AGTPBP1: variants seen among roughly 807,000 people sequenced by gnomAD.
AGTPBP1 encodes the protein cytosolic carboxypeptidase 1.
A neutral mutation model predicts 143.9 loss-of-function variants in AGTPBP1; 70 were observed. That is an observed-to-expected ratio of 0.49 (90% CI 0.40 to 0.59). The LOEUF (loss-of-function observed/expected upper bound fraction) is 0.59. AGTPBP1 is among the 20% of genes least tolerant of loss of function. AGTPBP1 has a pLI of 0.00. For synonymous variants in AGTPBP1, 463 were observed against 500.2 expected, an observed-to-expected ratio of 0.93 and a Z score of 0.99; for missense variants, 1,229 against 1,464.5, an observed-to-expected ratio of 0.84 and a Z score of 2.62.
chr9:85,623,394 C>A (rs762493105), intron 14 of AGTPBP1, among the ~76,000 whole-genome samples: 5 of 152,018 alleles, frequency 3.3e-5, no homozygotes, highest in Non-Finnish European at 5.9e-5. Context: ...GACATAATTG[C>A]CCATTTATAT....
At chr9:85,591,426 A>C (rs1188587870) in intron 19 of AGTPBP1, among the ~76,000 whole-genome samples, 1 of 152,164 alleles carries the variant, frequency 6.6e-6, no homozygotes, top group Non-Finnish European at 1.5e-5. Context: ...GGTTGGCAGA[A>C]GCCCAGGTGA....
At chr9:85,657,333 C>T in intron 10 of AGTPBP1, 102 bp downstream of exon 10, 3 of 1,010,530 alleles carry the variant, frequency 3.0e-6, no homozygotes, top group Non-Finnish European at 4.2e-6. Flanking sequence ...TGCATTTATC[C>T]TGTGTATACG....
chr9:85,748,711 C>T, the AGTPBP1 span, among the ~76,000 whole-genome samples: 1 of 152,190 alleles, frequency 6.6e-6, no homozygotes. Context: ...CAGAGTATAT[C>T]TTTAAAACAC....
chr9:85,601,228 C>CA (rs1254031574), intron 17 of AGTPBP1, among the ~76,000 whole-genome samples: 3 of 152,216 alleles, frequency 2.0e-5, no homozygotes, highest in African/African-American at 7.2e-5. Flanking sequence ...GCCCTGGGGG[C>CA]AGGCAGACTT....
the AGTPBP1 span, among the ~76,000 whole-genome samples, chr9:85,778,705 G>A: frequency 6.6e-6 from 1 of 152,154 alleles, no homozygotes; most frequent in Non-Finnish European, 1.5e-5. Flanking sequence ...GCCGAATGCA[G>A]CAACTTATCC....
In AGTPBP1 at chr9:85,588,349, T is replaced by C. The variant is rs773600934; in HGVS notation, c.2852A>G (p.Tyr951Cys). 4.3e-6 allele frequency: 7 copies of C among 1,610,528 alleles called. No individual in the cohort carries two copies. The African/African-American group carries it at 5.4e-5, about 12-fold the overall frequency. The change falls in exon 21 of 26, where the codon TAT (tyrosine) becomes TGT (cysteine). Residue 951 changes from tyrosine to cysteine, a missense_variant. Around this residue, in one of 2 missense-constraint regions of AGTPBP1, gnomAD observed 486 missense variants for 652.3 expected, o/e 0.75. Coordinates refer to ENST00000357081, the MANE Select transcript of AGTPBP1 (RefSeq NM_001330701.2). ...NPTAQSLRES[Y>C]IFKIVPMLNP... Reference sequence around the variant, plus strand: ...TAACATAGGGACAATTTTAAAAATATAAGATTCTCGTAAGCTCTGAGCAGT... The same window carrying C: ...TAACATAGGGACAATTTTAAAAATACAAGATTCTCGTAAGCTCTGAGCAGT...
At chr9:85,580,759 A>G (rs1338735359) in intron 23 of AGTPBP1, among the ~76,000 whole-genome samples, 1 of 152,218 alleles carries the variant, frequency 6.6e-6, no homozygotes, top group East Asian at 1.9e-4. Flanking sequence ...GAGACTACTA[A>G]GTAAATAAAT....
intron 2 of AGTPBP1, among the ~76,000 whole-genome samples, chr9:85,700,456 T>A (rs1260095101): frequency 6.6e-6 from 1 of 152,198 alleles, no homozygotes; most frequent in Non-Finnish European, 1.5e-5. Context: ...TCACTTCAGC[T>A]CATTTCACCG....
At chr9:85,684,012 G>A (rs956868564) in intron 3 of AGTPBP1, among the ~76,000 whole-genome samples, 1 of 149,720 alleles carries the variant, frequency 6.7e-6, no homozygotes, top group Non-Finnish European at 1.5e-5. Context: ...TCCTACATCA[G>A]AGTAAAAATA....
At chr9:85,718,388 G>T (rs181788329) in intron 1 of AGTPBP1, among the ~76,000 whole-genome samples, 27 of 152,274 alleles carry the variant, frequency 1.8e-4, no homozygotes, top group Non-Finnish European at 2.9e-4. Flanking sequence ...GTATCTCATT[G>T]TGGTTTTGAT....
At position 85,698,679 on chromosome 9, in the gene AGTPBP1, C is replaced by CTTTTTTTT. The variant is rs34248388; in HGVS notation, c.33-5874_33-5867dup. ...GGAAATGTATCTTCCCCACCTAACC[C>CTTTTTTTT]TTTTTTTTTTTTTTTTTTTTTTTTT... On this transcript the variant is annotated intron_variant, in intron 2 of 25. Coordinates refer to ENST00000357081, the MANE Select transcript of AGTPBP1 (RefSeq NM_001330701.2). Among the ~76,000 whole-genome samples, 51 of 76,580 alleles carry CTTTTTTTT rather than the reference C, an allele frequency of 6.7e-4. 2 individuals are homozygous for CTTTTTTTT. The highest frequency in any genetic ancestry group is 9.6e-4 in the Non-Finnish European group (41 of 42,832). 50.2% of individuals were successfully genotyped at this position (76,580 alleles called of 152,430 possible). A position where few individuals can be genotyped will look rare whatever the true frequency, so the allele number is the denominator to read the frequency against.
chr9:85,804,888 C>T, the AGTPBP1 span, among the ~76,000 whole-genome samples: 1 of 152,162 alleles, frequency 6.6e-6, no homozygotes, highest in African/African-American at 2.4e-5. Flanking sequence ...AGGTCGAACC[C>T]CAAGTTGCAG....
At chr9:85,718,829 G>A (rs910450902) in intron 1 of AGTPBP1, among the ~76,000 whole-genome samples, 4 of 152,044 alleles carry the variant, frequency 2.6e-5, no homozygotes, top group Admixed American at 6.6e-5. Flanking sequence ...TTAAACCATC[G>A]TGAGTTAATT....
chr9:85,579,224 C>A, intron 23 of AGTPBP1, 128 bp from the exon 24 acceptor site: 1 of 882,728 alleles, frequency 1.1e-6, no homozygotes, highest in Non-Finnish European at 1.6e-6. Flanking sequence ...TATTATATAT[C>A]CCTTGCCATT....
At chr9:85,681,088 A>G (rs1287988681) in intron 4 of AGTPBP1, among the ~76,000 whole-genome samples, 180 bp downstream of exon 4, 1 of 152,134 alleles carries the variant, frequency 6.6e-6, no homozygotes, top group Non-Finnish European at 1.5e-5. Context: ...TTAAAAACCT[A>G]AAATGAATTT....
chr9:85,751,295 G>T, the AGTPBP1 span, among the ~76,000 whole-genome samples: 2 of 152,132 alleles, frequency 1.3e-5, no homozygotes, highest in African/African-American at 4.8e-5. Context: ...TGTGGAGAAG[G>T]TATAGTTTTT....
intron 17 of AGTPBP1, among the ~76,000 whole-genome samples, chr9:85,608,582 AAT>A (rs1254260626): frequency 6.6e-6 from 1 of 152,016 alleles, no homozygotes; most frequent in Non-Finnish European, 1.5e-5. Context: ...AAAAATTGAT[AAT>A]ATATATGACA....
intron 17 of AGTPBP1, among the ~76,000 whole-genome samples, chr9:85,614,991 C>T (rs1411635829): frequency 7.2e-5 from 11 of 152,124 alleles, no homozygotes; most frequent in Admixed American, 6.5e-4. Flanking sequence ...TCGTACCTTT[C>T]GTTCATTCGT....
chr9:85,752,713 A>G, the AGTPBP1 span, among the ~76,000 whole-genome samples: 3 of 152,192 alleles, frequency 2.0e-5, no homozygotes, highest in African/African-American at 7.2e-5. Context: ...TTATTTGTCA[A>G]TTAAAAATTA....
Sources: gnomAD v4.1 joint callset for allele counts (sites outside exome capture counted in the v4.1 genomes callset) on GRCh38, gnomAD v4.1.1 for gene constraint, gnomAD v4.1.1 regional missense constraint, MANE v1.5 for transcripts, NCBI Gene and HGNC (gene_info 2026-07-23, HGNC 2026-07-21) for gene names.